DSG1: variants seen among roughly 807,000 people sequenced by gnomAD.
DSG1 encodes desmoglein 1.
A neutral mutation model predicts 97.5 loss-of-function variants in DSG1; 39 were observed. That is an observed-to-expected ratio of 0.40 (90% CI 0.31 to 0.52). The LOEUF (loss-of-function observed/expected upper bound fraction) is 0.52, where lower values mean the gene tolerates loss of function less well. DSG1 is among the 20% of genes least tolerant of loss of function. The pLI is 0.53. For missense variants in DSG1, 1,311 were observed against 1,295.4 expected (o/e 1.01, Z -0.18); for synonymous variants, 475 against 443.4 (o/e 1.07, Z -0.90).
intron 3 of DSG1, among the ~76,000 whole-genome samples, chr18:31,327,664 C>T (rs1042707608): frequency 3.9e-5 from 6 of 152,134 alleles, no homozygotes; most frequent in Non-Finnish European, 8.8e-5. Flanking sequence ...TCCTTTTCTG[C>T]TAATACACCC....
chr18:31,323,266 T>G (rs948157596), intron 1 of DSG1, among the ~76,000 whole-genome samples: 3 of 152,074 alleles, frequency 2.0e-5, no homozygotes, highest in Non-Finnish European at 4.4e-5. Flanking sequence ...AATCCAAACT[T>G]CTCCCCTAAT....
At chr18:31,328,407 T>A (rs2071699990) in intron 4 of DSG1, 63 bp downstream of exon 4, 2 of 1,515,986 alleles carry the variant, frequency 1.3e-6, no homozygotes, top group South Asian at 2.3e-5. Context: ...GTTCTTAATC[T>A]CAGATCATAC....
At chr18:31,323,395 C>G (rs1300718134) in intron 1 of DSG1, among the ~76,000 whole-genome samples, 1 of 152,240 alleles carries the variant, frequency 6.6e-6, no homozygotes, top group African/African-American at 2.4e-5. Flanking sequence ...CACCCTTACT[C>G]CAGGGACAAA....
intron 13 of DSG1, among the ~76,000 whole-genome samples, chr18:31,345,708 C>T (rs1024705509): frequency 1.6e-4 from 24 of 152,128 alleles, no homozygotes; most frequent in African/African-American, 5.6e-4. Context: ...AGGTTGAAAT[C>T]AAATGCTTTA....
chr18:31,321,349 C>G (rs1373901283), intron 1 of DSG1, among the ~76,000 whole-genome samples: 2 of 151,890 alleles, frequency 1.3e-5, no homozygotes, highest in African/African-American at 4.8e-5. Context: ...TAGTACAGAC[C>G]AAACAGAAGA....
chr18:31,325,478 A>G (rs1049204524), intron 1 of DSG1, among the ~76,000 whole-genome samples: 10 of 152,228 alleles, frequency 6.6e-5, no homozygotes, highest in Admixed American at 1.3e-4. Flanking sequence ...AAGTGTTCAT[A>G]AATTCACAGG....
intron 11 of DSG1, among the ~76,000 whole-genome samples, chr18:31,341,717 C>T (rs373780816): frequency 3.3e-5 from 5 of 152,016 alleles, no homozygotes; most frequent in African/African-American, 1.2e-4. Context: ...GGCAAAAATG[C>T]TAGTGAAGTT....
intron 1 of DSG1, among the ~76,000 whole-genome samples, chr18:31,321,456 TGGAA>T (rs1256501287): frequency 3.9e-5 from 6 of 152,122 alleles, no homozygotes; most frequent in Admixed American, 3.9e-4. Context: ...TTGTAGAAAA[TGGAA>T]GGAATATTTC....
At chr18:31,343,390 T>C in intron 11 of DSG1, 60 bp from the exon 12 acceptor site, 1 of 1,602,360 alleles carries the variant, frequency 6.2e-7, no homozygotes, top group South Asian at 1.1e-5. Flanking sequence ...AAAATCAGGT[T>C]GTTTTGTTTT....
rs1238812235 is a variant in DSG1, at chr18:31,336,590, A to G, written c.1242A>G (p.Thr414=). The G allele has an allele frequency of 6.2e-7, 1 of 1,613,968 alleles. No individual in the cohort carries two copies. Among genetic ancestry groups the G allele is most frequent in the Non-Finnish European group, 8.5e-7 (1 of 1,179,964 alleles). The change falls in exon 9 of 15, where the codon ACA becomes ACG. Residue 414 remains threonine (T), a synonymous_variant. Transcript: ENST00000257192. The part of the protein sequence containing the change: ...VGDFVATDLD[T]GRPSTTVRYV... The stretch of plus-strand genomic sequence containing the variant: ...ACTTTGTAGCTACTGACCTGGACAC[A>G]GGTAGACCTTCAACGACTGTTAGGT...
At chr18:31,353,675 C>T (rs1367193098) in intron 14 of DSG1, among the ~76,000 whole-genome samples, 10 of 151,896 alleles carry the variant, frequency 6.6e-5, no homozygotes, top group African/African-American at 1.5e-4. Flanking sequence ...TCTCGTGGTG[C>T]GCCGTTTTTT....
At position 31,356,452 on chromosome 18, in the gene DSG1, A is replaced by C. The variant is rs1205902041; in HGVS notation, c.*1106A>C. The C allele has an allele frequency of 1.3e-5, 2 of 152,156 alleles. No individual in the cohort carries two copies. The highest frequency in any genetic ancestry group is 1.3e-4 in the Admixed American group (2 of 15,274). The allele number at this position is 152,156 out of a possible 1,614,324, so 9.4% of individuals were successfully genotyped here. On this transcript the variant is annotated 3_prime_UTR_variant, in exon 15 of 15. Coordinates refer to ENST00000257192, the MANE Select transcript of DSG1 (RefSeq NM_001942.4). ...TTTTTTTTTAAGGGGATCTAAAAAAATGTTTTTAGAACATGTAAAATGTTT... is the reference window on the plus strand; with the variant it reads ...TTTTTTTTTAAGGGGATCTAAAAAACTGTTTTTAGAACATGTAAAATGTTT...
intron 5 of DSG1, among the ~76,000 whole-genome samples, chr18:31,331,358 G>T (rs902439318): frequency 5.9e-5 from 9 of 152,020 alleles, no homozygotes; most frequent in Non-Finnish European, 1.2e-4. Context: ...TGAGAAAGTT[G>T]GGAAAATGTT....
chr18:31,343,573 C>T lies in DSG1; in HGVS notation c.1811C>T (p.Pro604Leu). The T allele has an allele frequency of 8.1e-6, 13 of 1,614,110 alleles. No individual in the cohort carries two copies. The highest frequency in any genetic ancestry group is 1.1e-5 in the Non-Finnish European group (13 of 1,180,014). ...IHSWAVEGPQPEPRDITTVIP... is the reference protein window; with the variant it reads ...IHSWAVEGPQLEPRDITTVIP... ...TCATGGGCAGTAGAAGGACCACAGC[C>T]TGAACCCAGGGTAAGTGCCACATTC... The change falls in exon 12 of 15, where the codon CCT (proline) becomes CTT (leucine). Residue 604 changes from proline to leucine, a missense_variant. By Grantham distance (98) the Pro-to-Leu change is moderately conservative. Coordinates refer to ENST00000257192, the MANE Select transcript of DSG1 (RefSeq NM_001942.4).
At chr18:31,340,134 G>A in intron 11 of DSG1, 109 bp downstream of exon 11, 2 of 1,247,234 alleles carry the variant, frequency 1.6e-6, no homozygotes, top group Non-Finnish European at 2.3e-6. Flanking sequence ...CTCATTTTGT[G>A]CAATTATAAA....
At chr18:31,353,019 G>A (rs1315960605) in intron 14 of DSG1, among the ~76,000 whole-genome samples, 2 of 150,028 alleles carry the variant, frequency 1.3e-5, no homozygotes, top group Non-Finnish European at 3.0e-5. Context: ...GTGAGGAACT[G>A]CGTTCCTTTG....
intron 14 of DSG1, among the ~76,000 whole-genome samples, chr18:31,352,835 A>G (rs1005952758): frequency 7.2e-6 from 1 of 138,320 alleles, no homozygotes; most frequent in Non-Finnish European, 1.5e-5. Flanking sequence ...TCCTTTAAGC[A>G]CTTCTCTGTA....
chr18:31,321,976 G>A (rs917071988), intron 1 of DSG1, among the ~76,000 whole-genome samples: 9 of 152,148 alleles, frequency 5.9e-5, no homozygotes, highest in Admixed American at 2.6e-4. Flanking sequence ...GCCCAGTGCT[G>A]GGTCATGCCA....
intron 5 of DSG1, 63 bp from the exon 6 acceptor site, chr18:31,331,638 A>G (rs2071721485): frequency 1.3e-6 from 2 of 1,496,760 alleles, no homozygotes; most frequent in Admixed American, 1.8e-5. Context: ...TGGAAAGGTG[A>G]TATACTCTAC....
Sources: gnomAD v4.1 joint callset for allele counts (sites outside exome capture counted in the v4.1 genomes callset) on GRCh38, gnomAD v4.1.1 for gene constraint, MANE v1.5 for transcripts, NCBI Gene and HGNC (gene_info 2026-07-23, HGNC 2026-07-21) for gene names.